FAT3: variants seen among roughly 807,000 people sequenced by gnomAD.
FAT3 encodes FAT atypical cadherin 3, also known as protocadherin Fat 3.
In FAT3, 95 loss-of-function variants were observed where a neutral mutation model predicts 310.2. That is an observed-to-expected ratio of 0.31 (90% CI 0.26 to 0.36). FAT3 has a LOEUF of 0.36. Ranked by LOEUF, FAT3 falls within the 10% of genes least tolerant of loss-of-function variation. The probability of loss-of-function intolerance (pLI) is 1.00; values close to 1 mark genes in which losing one functional copy is unlikely to be tolerated. For missense variants in FAT3, 5,408 were observed against 5,715.6 expected (o/e 0.95, Z 1.74); for synonymous variants, 2,314 against 2,192.9 (o/e 1.06, Z -1.54).
chr11:92,319,602 GA>G (rs1292806965), intron 1 of FAT3, among the ~76,000 whole-genome samples: 1 of 152,132 alleles, frequency 6.6e-6, no homozygotes, highest in Non-Finnish European at 1.5e-5. Context: ...GTTGCTGATA[GA>G]AAAATGGGTG....
intron 3 of FAT3, among the ~76,000 whole-genome samples, chr11:92,525,768 T>C (rs933155503): frequency 1.5e-4 from 23 of 152,190 alleles, no homozygotes; most frequent in African/African-American, 4.6e-4. Flanking sequence ...TGAGTTGATA[T>C]TGGTTCAAAA....
intron 1 of FAT3, among the ~76,000 whole-genome samples, chr11:92,239,421 A>G (rs1434917714): frequency 6.6e-6 from 1 of 152,110 alleles, no homozygotes; most frequent in Non-Finnish European, 1.5e-5. Flanking sequence ...CAGAAAGCAA[A>G]TGGAGCATCT....
rs1952530724 is a variant in FAT3 at position 92,489,342 on chromosome 11, G to A, written c.3293-35292G>A. The stretch of plus-strand genomic sequence containing the variant: ...TCAGGGCTAGAGCCACACTCTGGAG[G>A]CCTATTCCCGATCATTATGCATTTT... On this transcript the variant is annotated intron_variant, in intron 2 of 27. Transcript: ENST00000525166. Among the ~76,000 whole-genome samples the A allele has an allele frequency of 2.0e-5, 3 of 152,080 alleles. No homozygotes were observed. The East Asian group carries it at 5.8e-4, about 29-fold the overall frequency.
At chr11:92,866,348 A>T (rs1448652462) in intron 21 of FAT3, among the ~76,000 whole-genome samples, 1 of 152,204 alleles carries the variant, frequency 6.6e-6, no homozygotes, top group Admixed American at 6.5e-5. Context: ...ATGTTCAATA[A>T]ATGCTAATGA....
At chr11:92,466,733 T>G (rs1170785549) in intron 2 of FAT3, among the ~76,000 whole-genome samples, 1 of 72,522 alleles carries the variant, frequency 1.4e-5, no homozygotes, top group African/African-American at 5.6e-5. Flanking sequence ...CCCTCCCCCC[T>G]CCCCCCACCC....
chr11:92,251,330 G>T (rs1038116316), intron 1 of FAT3, among the ~76,000 whole-genome samples: 1 of 152,086 alleles, frequency 6.6e-6, no homozygotes, highest in African/African-American at 2.4e-5. Context: ...TTAGATCCTT[G>T]TCTTCCTTAA....
chr11:92,813,784 T>A (rs563238033), intron 13 of FAT3, among the ~76,000 whole-genome samples: 3 of 152,374 alleles, frequency 2.0e-5, no homozygotes, highest in African/African-American at 7.2e-5. Flanking sequence ...TACATTTGTG[T>A]AAATGACAGG....
At chr11:92,243,163 C>CT (rs1386790894) in intron 1 of FAT3, among the ~76,000 whole-genome samples, 1 of 151,910 alleles carries the variant, frequency 6.6e-6, no homozygotes, top group Non-Finnish European at 1.5e-5. Flanking sequence ...CTATTGTCTT[C>CT]TTTTTTCCAC....
intron 1 of FAT3, among the ~76,000 whole-genome samples, chr11:92,306,885 G>C (rs977815739): frequency 6.8e-6 from 1 of 148,136 alleles, no homozygotes; most frequent in East Asian, 2.0e-4. Context: ...CAGATTCCTG[G>C]GCTTAAGTGA....
rs141721052 is a variant in FAT3, at chr11:92,396,694, T to C, written c.3292+41290T>C. Among the ~76,000 whole-genome samples, 3 of 152,298 alleles carry C rather than the reference T, an allele frequency of 2.0e-5. No homozygotes were observed. The East Asian group carries it at 5.8e-4, about 29-fold the overall frequency. ...GAATAAGTCACTAAGTTGTGTTTTGTTGGCCCTTTGTTATTTATTTATTTT... is the reference window on the plus strand; with the variant it reads ...GAATAAGTCACTAAGTTGTGTTTTGCTGGCCCTTTGTTATTTATTTATTTT... On this transcript the variant is annotated intron_variant, in intron 2 of 27. Transcript: ENST00000525166.
chr11:92,623,617 G>A (rs555129), intron 3 of FAT3, among the ~76,000 whole-genome samples: 85,356 of 152,002 alleles, frequency 0.56, 25,381 homozygotes, highest in African/African-American at 0.76. Flanking sequence ...TAACATTTAG[G>A]GTGTAACAGA....
At chr11:92,646,613 T>C (rs1942177370) in intron 3 of FAT3, among the ~76,000 whole-genome samples, 1 of 152,184 alleles carries the variant, frequency 6.6e-6, no homozygotes, top group Admixed American at 6.5e-5. Context: ...TATGCAGAAC[T>C]CTCACATTAA....
intron 3 of FAT3, among the ~76,000 whole-genome samples, chr11:92,582,803 TA>T (rs776859426): frequency 2.0e-5 from 3 of 152,018 alleles, no homozygotes; most frequent in Non-Finnish European, 2.9e-5. Context: ...GCTCCTAAGA[TA>T]AAAGTCCTAT....
chr11:92,679,188 A>G (rs1313979728), intron 3 of FAT3, among the ~76,000 whole-genome samples: 1 of 152,054 alleles, frequency 6.6e-6, no homozygotes, highest in Non-Finnish European at 1.5e-5. Context: ...TTCTTCATAC[A>G]TTCGTCTGTT....
At chr11:92,266,797 C>A (rs904444193) in intron 1 of FAT3, among the ~76,000 whole-genome samples, 6 of 152,078 alleles carry the variant, frequency 3.9e-5, no homozygotes, top group Non-Finnish European at 7.4e-5. Flanking sequence ...TATGGAAATG[C>A]CATTAGAAAA....
intron 2 of FAT3, among the ~76,000 whole-genome samples, chr11:92,492,055 T>G (rs1952615818): frequency 6.6e-6 from 1 of 152,108 alleles, no homozygotes; most frequent in Non-Finnish European, 1.5e-5. Flanking sequence ...TGGTACTCAG[T>G]GTGTTCTTAT....
intron 3 of FAT3, among the ~76,000 whole-genome samples, chr11:92,552,464 AT>A (rs944729327): frequency 3.9e-5 from 6 of 152,142 alleles, no homozygotes; most frequent in Non-Finnish European, 7.4e-5. Context: ...AAAATATTCT[AT>A]TTTTGGTTCT....
chr11:92,444,335 A>T (rs573677957), intron 2 of FAT3, among the ~76,000 whole-genome samples: 112 of 2,764 alleles, frequency 0.041, no homozygotes, highest in South Asian at 0.072. Context: ...ATGAAGAAGA[A>T]GATCAGAAGA....
chr11:92,468,064 CAT>C (rs1362942174), intron 2 of FAT3, among the ~76,000 whole-genome samples: 1 of 152,180 alleles, frequency 6.6e-6, no homozygotes, highest in Non-Finnish European at 1.5e-5. Context: ...AGCGGCAAAA[CAT>C]ATGGAGAGTC....
Sources: gnomAD v4.1 joint callset for allele counts (sites outside exome capture counted in the v4.1 genomes callset) on GRCh38, gnomAD v4.1.1 for gene constraint, MANE v1.5 for transcripts, NCBI Gene and HGNC (gene_info 2026-07-23, HGNC 2026-07-21) for gene names.